Variants in DOCK8 observed in about 807,000 individuals in gnomAD.
The protein encoded by DOCK8 is dedicator of cytokinesis protein 8.
Under a neutral mutation model 245.6 loss-of-function variants are expected in DOCK8, and 141 were observed. The ratio of observed to expected loss-of-function variants is 0.57; its 90% CI spans 0.50 to 0.66. DOCK8 has a LOEUF of 0.66. DOCK8 is among the 30% of genes least tolerant of loss of function. The probability of loss-of-function intolerance (pLI) is 0.00; values close to 1 mark genes in which losing one functional copy is unlikely to be tolerated. For synonymous variants in DOCK8, 1,168 were observed against 970.2 expected (o/e 1.20, Z -3.79); for missense variants, 2,965 against 2,603.4 (o/e 1.14, Z -3.02).
chr9:293,262 A>G (rs966661729), intron 4 of DOCK8, among the ~76,000 whole-genome samples: 21 of 152,200 alleles, frequency 1.4e-4, no homozygotes, highest in African/African-American at 2.2e-4. Flanking sequence ...CATGAAAACT[A>G]AAATTCCTAG....
In DOCK8 at chr9:439,574, G is replaced by A. The variant is rs150062099; in HGVS notation, c.5223+186G>A. ...ATGCAAATTGCATGAGCTTCCCAAG[G>A]GAGCTGAGATAACCTTTCATCACAG... On this transcript the variant is annotated intron_variant, in intron 40 of 47. Transcript: ENST00000432829. Among the ~76,000 whole-genome samples, 667 of 152,332 alleles carry A rather than the reference G, an allele frequency of 4.4e-3. 2 individuals are homozygous for A. The highest frequency in any genetic ancestry group is 0.015 in the African/African-American group (611 of 41,570).
chr9:416,704 G>A (rs2056029804), intron 29 of DOCK8, among the ~76,000 whole-genome samples: 1 of 152,120 alleles, frequency 6.6e-6, no homozygotes, highest in African/African-American at 2.4e-5. Flanking sequence ...CCTTTGAAAG[G>A]CTCAACCTTT....
intron 19 of DOCK8, among the ~76,000 whole-genome samples, 183 bp downstream of exon 19, chr9:376,488 C>T (rs916083648): frequency 4.3e-4 from 65 of 152,318 alleles, no homozygotes; most frequent in African/African-American, 1.5e-3. Context: ...AAAGACCTTA[C>T]AAAACCGCCG....
chr9:426,490 G>A (rs1054295134), intron 33 of DOCK8, among the ~76,000 whole-genome samples: 8 of 152,294 alleles, frequency 5.3e-5, no homozygotes, highest in African/African-American at 1.2e-4. Context: ...GCATGTTGCA[G>A]GGGCTTCCCC....
At chr9:316,780 G>A (rs2050366851) in intron 6 of DOCK8, among the ~76,000 whole-genome samples, 1 of 152,188 alleles carries the variant, frequency 6.6e-6, no homozygotes, top group Non-Finnish European at 1.5e-5. Flanking sequence ...CCATATCCAT[G>A]TTCACATTTC....
At chr9:336,035 A>C (rs565641215) in intron 11 of DOCK8, among the ~76,000 whole-genome samples, 3 of 152,314 alleles carry the variant, frequency 2.0e-5, no homozygotes, top group South Asian at 2.1e-4. Context: ...TCTGAGTGTG[A>C]TTTGGGGTTC....
chr9:325,117 T>TC (rs1207788136), intron 7 of DOCK8, among the ~76,000 whole-genome samples: 1 of 125,476 alleles, frequency 8.0e-6, no homozygotes, highest in Non-Finnish European at 1.7e-5. Flanking sequence ...CCCGGCTCCA[T>TC]CCAAGTTCCT....
chr9:278,483 C>CTT (rs1432617774), intron 2 of DOCK8, among the ~76,000 whole-genome samples: 1 of 152,220 alleles, frequency 6.6e-6, no homozygotes, highest in Non-Finnish European at 1.5e-5. Context: ...GGCCTATCCT[C>CTT]ATAGAGTTTG....
chr9:273,764 C>G (rs552400848), intron 2 of DOCK8, among the ~76,000 whole-genome samples: 1 of 150,796 alleles, frequency 6.6e-6, no homozygotes, highest in South Asian at 2.1e-4. Flanking sequence ...CTCGGCTCAT[C>G]GCAACCTCTG....
chr9:414,707 A>C, intron 28 of DOCK8, 75 bp from the exon 29 acceptor site: 1 of 1,585,238 alleles, frequency 6.3e-7, no homozygotes, highest in Non-Finnish European at 8.7e-7. Flanking sequence ...CGTTTTCATC[A>C]CTCTTGACTG....
At position 382,683 on chromosome 9, in the gene DOCK8, A is replaced by G. The variant is rs1265771749; in HGVS notation, c.2776A>G (p.Lys926Glu). 4 of 1,614,028 alleles carry G rather than the reference A, an allele frequency of 2.5e-6. No individual in the cohort carries two copies. Among genetic ancestry groups the G allele is most frequent in the Non-Finnish European group, 3.4e-6 (4 of 1,180,020 alleles). Residue 926 changes from lysine (K) to glutamate (E), a missense_variant and splice_region_variant, in exon 22 of 48, where the codon AAG becomes GAG. By Grantham distance (56) the Lys-to-Glu change is moderately conservative. Around this residue, in one of 3 missense-constraint regions of DOCK8, gnomAD observed 2,825 missense variants for 2,453.5 expected, o/e 1.15. Transcript: ENST00000432829. ...GGAAGTGAAGAACATCATGTCTTCA[A>G]AGGTAGGAAAGATGTCAAACCGTGG... The part of the protein sequence containing the change: ...DEEVKNIMSS[K>E]IADRNCSRMS...
intron 28 of DOCK8, among the ~76,000 whole-genome samples, chr9:409,862 A>T (rs1271428822): frequency 6.6e-6 from 1 of 152,124 alleles, no homozygotes. Context: ...ATGTCCCTAC[A>T]AAGGACATGA....
intron 5 of DOCK8, among the ~76,000 whole-genome samples, chr9:308,577 G>C (rs1465896530): frequency 8.5e-5 from 13 of 152,192 alleles, no homozygotes; most frequent in Admixed American, 7.2e-4. Context: ...ATAAAAATTA[G>C]ATTATATTAT....
intron 14 of DOCK8, among the ~76,000 whole-genome samples, chr9:360,769 C>G (rs2131111618): frequency 6.6e-6 from 1 of 152,294 alleles, no homozygotes; most frequent in South Asian, 2.1e-4. Flanking sequence ...AAACCTCAGC[C>G]TCAGCTCAGA....
chr9:256,351 C>T (rs1000041192), intron 1 of DOCK8, among the ~76,000 whole-genome samples: 3 of 152,204 alleles, frequency 2.0e-5, no homozygotes, highest in African/African-American at 7.2e-5. Flanking sequence ...CTGCAAGAGG[C>T]AGACTTGGTT....
chr9:394,442 T>C (rs150517674), intron 24 of DOCK8, among the ~76,000 whole-genome samples: 25 of 152,340 alleles, frequency 1.6e-4, no homozygotes, highest in African/African-American at 5.5e-4. Flanking sequence ...TTTTGTTTTT[T>C]TCCAAGAAGC....
At chr9:399,405 A>C (rs935209481) in intron 26 of DOCK8, 146 bp downstream of exon 26, 2 of 695,872 alleles carry the variant, frequency 2.9e-6, no homozygotes, top group Non-Finnish European at 5.2e-6. Flanking sequence ...CACGTCCCTC[A>C]TGTCTGTGCC....
chr9:234,880 G>A (rs2047209051), intron 1 of DOCK8, among the ~76,000 whole-genome samples: 1 of 152,016 alleles, frequency 6.6e-6, no homozygotes, highest in Non-Finnish European at 1.5e-5. Flanking sequence ...ATCGTCTGAA[G>A]CCTTCTTCTC....
At chr9:279,011 C>T (rs151013982) in intron 2 of DOCK8, among the ~76,000 whole-genome samples, 4 of 152,196 alleles carry the variant, frequency 2.6e-5, no homozygotes, top group Admixed American at 6.5e-5. Context: ...AAAGCAATAC[C>T]GGTGCTTTGG....
Sources: allele counts gnomAD v4.1 joint callset (sites outside exome capture counted in the v4.1 genomes callset), GRCh38; gene constraint gnomAD v4.1.1; regional missense constraint gnomAD v4.1.1; transcripts MANE v1.5; gene names NCBI Gene and HGNC (gene_info 2026-07-23, HGNC 2026-07-21).